HNF1A: variants seen among roughly 807,000 people sequenced by gnomAD.
The protein encoded by HNF1A is hepatocyte nuclear factor 1-alpha.
A neutral mutation model predicts 62.2 loss-of-function variants in HNF1A; 21 were observed. The observed-to-expected ratio is 0.34, with a 90% CI of 0.24 to 0.49. The LOEUF (loss-of-function observed/expected upper bound fraction) is 0.49, where lower values mean the gene tolerates loss of function less well. Ranked by LOEUF, HNF1A falls within the 20% of genes least tolerant of loss-of-function variation. The pLI is 0.99. For synonymous variants in HNF1A, 374 were observed against 366.8 expected (o/e 1.02, Z -0.22); for missense variants, 687 against 832.3 (o/e 0.83, Z 2.15).
In HNF1A at chr12:120,994,145, T is replaced by C. The variant is rs771962740; in HGVS notation, c.714-19T>C. On this transcript the variant is annotated intron_variant, in intron 3 of 9. Transcript: ENST00000257555. ...CCTCTGAGCCTGGCCTGGAGGCTCA[T>C]GGGTGGCTATTTCTGCAGGGCGGAA... 6.2e-7 allele frequency: 1 copy of C among 1,611,072 alleles called. No homozygotes were observed. The highest frequency in any genetic ancestry group is 8.5e-7 in the Non-Finnish European group (1 of 1,178,940).
At chr12:120,985,628 C>T (rs1382536669) in intron 1 of HNF1A, among the ~76,000 whole-genome samples, 2 of 151,986 alleles carry the variant, frequency 1.3e-5, no homozygotes, top group Non-Finnish European at 2.9e-5. Context: ...GCTATGATCA[C>T]GCCACTGTGC....
rs1401743626 is a variant in HNF1A at position 120,996,707 on chromosome 12, C to T, written c.1274C>T (p.Thr425Met). ...GPGEPASLGP[T>M]FTNTGASTLV... ...GGTGAGCCTGCCTCCCTGGGTCCTA[C>T]GTTCACCAACACAGGTGCCTCCACC... Residue 425 changes from threonine to methionine, a missense_variant, in exon 6 of 10, where the codon ACG (threonine) becomes ATG (methionine). By Grantham distance (81) the Thr-to-Met change is moderately conservative. This residue lies in a region of HNF1A where 408 missense variants were observed against 455.3 expected (regional missense o/e 0.90). Coordinates refer to ENST00000257555, the MANE Select transcript of HNF1A (RefSeq NM_000545.8). The surrounding 1 kb of genome is among the most constrained non-coding windows in gnomAD (Gnocchi z 4.5). 10 of 1,613,964 alleles carry T rather than the reference C, an allele frequency of 6.2e-6. No homozygotes were observed. The highest frequency in any genetic ancestry group is 8.5e-6 in the Non-Finnish European group (10 of 1,180,008).
intron 4 of HNF1A, among the ~76,000 whole-genome samples, chr12:120,995,858 C>T (rs910987381): frequency 6.6e-6 from 1 of 152,198 alleles, no homozygotes; most frequent in African/African-American, 2.4e-5. Context: ...CCACACCATC[C>T]ACTCCACTTC....
intron 9 of HNF1A, chr12:121,000,714 G>A (rs966141622): frequency 4.8e-5 from 17 of 356,464 alleles, no homozygotes; most frequent in African/African-American, 3.4e-4. Context: ...CCAACTGATT[G>A]TGGCATTAAC....
At position 120,992,474 on chromosome 12, in the gene HNF1A, C is replaced by T. The variant is rs116321817; in HGVS notation, c.527-1046C>T. Among the ~76,000 whole-genome samples the T allele has an allele frequency of 1.3e-3, 195 of 152,292 alleles. 1 individual carries two copies. Among genetic ancestry groups the T allele is most frequent in the African/African-American group, 4.3e-3 (180 of 41,554 alleles). On this transcript the variant is annotated intron_variant, in intron 2 of 9. Transcript: ENST00000257555. The stretch of plus-strand genomic sequence containing the variant: ...AACTTCCGGGCTCAAGTGATCCCTG[C>T]CTCAGCCTCTTAAGTAGCTGGAATG...
At chr12:120,988,254 A>C (rs1876619359) in intron 1 of HNF1A, among the ~76,000 whole-genome samples, 1 of 116,758 alleles carries the variant, frequency 8.6e-6, no homozygotes. Flanking sequence ...TCCATCCATC[A>C]TCCATCCACC....
Position 120,994,167 on chromosome 12 carries a change from G to A in HNF1A, c.717G>A (p.Ala239=), listed in dbSNP as rs147630771. ...RETLVEECNR[A]ECIQRGVSPS... ...TCATGGGTGGCTATTTCTGCAGGGCGGAATGCATCCAGAGAGGGGTGTCCC... is the reference window on the plus strand; with the variant it reads ...TCATGGGTGGCTATTTCTGCAGGGCAGAATGCATCCAGAGAGGGGTGTCCC... The change falls in exon 4 of 10, where the codon GCG becomes GCA. Residue 239 remains alanine (A), a synonymous_variant. Transcript: ENST00000257555. The A allele has an allele frequency of 8.1e-6, 13 of 1,612,882 alleles. No homozygotes were observed. Among genetic ancestry groups the A allele is most frequent in the Admixed American group, 3.3e-5 (2 of 59,766 alleles).
intron 1 of HNF1A, among the ~76,000 whole-genome samples, chr12:120,983,636 CCCG>C (rs1249964410): frequency 6.6e-6 from 1 of 151,548 alleles, no homozygotes; most frequent in Non-Finnish European, 1.5e-5. Flanking sequence ...ACCTCCGCCT[CCCG>C]GGTTCAAGTG....
chr12:121,002,408 G>C lies in HNF1A; in HGVS notation c.*1216G>C, dbSNP rs534185491. ...GTACCGCGTCTACCCTGGGATTCAG[G>C]AAAAGGCCTGGGGTGACCCGGCACC... On this transcript the variant is annotated 3_prime_UTR_variant, in exon 10 of 10. Coordinates refer to ENST00000257555, the MANE Select transcript of HNF1A (RefSeq NM_000545.8). The C allele has an allele frequency of 1.1e-5, 6 of 529,348 alleles. 1 individual carries two copies. Among genetic ancestry groups the C allele is most frequent in the Non-Finnish European group, 2.2e-5 (6 of 273,940 alleles). The allele number at this position is 529,348 out of a possible 1,614,324, so 32.8% of individuals were successfully genotyped here.
chr12:120,999,578 C>T lies in HNF1A; in HGVS notation c.1719C>T (p.Ala573=), dbSNP rs142797154. ...TTLHVPSQDP[A]SIQHLQPAHR... ...TCCACGTCCCCAGCCAGGACCCTGC[C>T]AGCATCCAGCACCTGCAGCCGGCCC... Residue 573 remains alanine, a synonymous_variant, in exon 9 of 10, where the codon GCC becomes GCT. Transcript: ENST00000257555. The T allele has an allele frequency of 7.9e-5, 128 of 1,612,436 alleles. 1 individual carries two copies. In the African/African-American group the frequency reaches 1.4e-3, roughly 17 times the overall value.
rs549306957 is a variant in HNF1A at position 121,001,405 on chromosome 12, C to T, written c.*213C>T. The T allele has an allele frequency of 8.3e-6, 5 of 599,446 alleles. No homozygotes were observed. The highest frequency in any genetic ancestry group is 5.8e-5 in the South Asian group (3 of 51,446). 37.1% of individuals were successfully genotyped at this position (599,446 alleles called of 1,614,324 possible). A position where few individuals can be genotyped will look rare whatever the true frequency, so the allele number is the denominator to read the frequency against. ...CTGCTCGGGGTGCACAGGAGGGGGT[C>T]GTGGAGAGCTAGGAGCAAAGCCTGT... On this transcript the variant is annotated 3_prime_UTR_variant, in exon 10 of 10. Transcript: ENST00000257555.
Position 120,978,879 on chromosome 12 carries a change from C to G in HNF1A, c.111C>G (p.Leu37=). 6.2e-7 allele frequency: 1 copy of G among 1,613,480 alleles called. No homozygotes were observed. Among genetic ancestry groups the G allele is most frequent in the Non-Finnish European group, 8.5e-7 (1 of 1,179,832 alleles). The change falls in exon 1 of 10, where the codon CTC becomes CTG. Residue 37 remains leucine, a synonymous_variant. Transcript: ENST00000257555. ...CACTGGGTGAGCCGGGGCCCTACCT[C>G]CTGGCTGGAGAAGGCCCCCTGGACA... The part of the protein sequence containing the change: ...IQALGEPGPY[L]LAGEGPLDKG...
rs1429185973 is a variant in HNF1A, at chr12:120,999,497, C to T, written c.1638C>T (p.Asp546=). Residue 546 remains aspartate (D), a synonymous_variant, in exon 9 of 10, where the codon GAC becomes GAT. Coordinates refer to ENST00000257555, the MANE Select transcript of HNF1A (RefSeq NM_000545.8). Reference sequence around the variant, plus strand: ...TGCTCCCCCAGGTCTTCACCTCAGACACTGAGGCCTCCAGTGAGTCCGGGC... The same window carrying T: ...TGCTCCCCCAGGTCTTCACCTCAGATACTGAGGCCTCCAGTGAGTCCGGGC... ...LTPTKQVFTS[D]TEASSESGLH... 7 of 1,613,720 alleles carry T rather than the reference C, an allele frequency of 4.3e-6. No individual in the cohort carries two copies. The highest frequency in any genetic ancestry group is 5.9e-6 in the Non-Finnish European group (7 of 1,179,988).
chr12:120,983,839 C>T (rs1876371981), intron 1 of HNF1A, among the ~76,000 whole-genome samples: 1 of 152,088 alleles, frequency 6.6e-6, no homozygotes, highest in Non-Finnish European at 1.5e-5. Context: ...AGCCACCACG[C>T]CCAGCCTTGG....
At position 120,997,662 on chromosome 12, in the gene HNF1A, C is replaced by A. The variant is rs921423540; in HGVS notation, c.1498C>A (p.His500Asn). ...MATMAQLQSPHALYSHKPEVA... is the reference protein window; with the variant it reads ...MATMAQLQSPNALYSHKPEVA... ...CACCATGGCTCAGCTGCAGAGCCCC[C>A]ACGGTGAGCGCCCTGTGCCCCACAC... Residue 500 changes from histidine (H) to asparagine (N), a missense_variant, in exon 7 of 10, where the codon CAC becomes AAC. His to Asn is a moderately conservative substitution (Grantham distance 68). Transcript: ENST00000257555. 8.7e-6 allele frequency: 14 copies of A among 1,609,862 alleles called. No homozygotes were observed. The highest frequency in any genetic ancestry group is 2.7e-5 in the African/African-American group (2 of 74,824).
rs1486041558 is a variant in HNF1A, at chr12:121,001,807, G to A, written c.*615G>A. 1.9e-6 allele frequency: 1 copy of A among 535,918 alleles called. No individual in the cohort carries two copies. The highest frequency in any genetic ancestry group is 3.6e-6 in the Non-Finnish European group (1 of 276,236). The allele number at this position is 535,918 out of a possible 1,614,324, so 33.2% of individuals were successfully genotyped here. A position where few individuals can be genotyped will look rare whatever the true frequency, so the allele number is the denominator to read the frequency against. ...CTGGGGCTCTAACGCCTGAGCCCAG[G>A]GAGGCCGAAGCTAACAGGGAAGGCA... On this transcript the variant is annotated 3_prime_UTR_variant, in exon 10 of 10. Coordinates refer to ENST00000257555, the MANE Select transcript of HNF1A (RefSeq NM_000545.8).
chr12:120,995,901 T>C (rs1244930195), intron 4 of HNF1A, among the ~76,000 whole-genome samples: 1 of 152,204 alleles, frequency 6.6e-6, no homozygotes, highest in Non-Finnish European at 1.5e-5. Flanking sequence ...CTAAGTTGAT[T>C]TGGGTTAATT....
chr12:120,999,882 T>C (rs1179448386), intron 9 of HNF1A, among the ~76,000 whole-genome samples: 1 of 152,110 alleles, frequency 6.6e-6, no homozygotes, highest in African/African-American at 2.4e-5. Flanking sequence ...GATGAAGTAA[T>C]TGTTAGAGGC....
In HNF1A at chr12:120,978,715, G is replaced by C. The variant is rs781754738; in HGVS notation, c.-54G>C. On this transcript the variant is annotated 5_prime_UTR_variant, in exon 1 of 10. Transcript: ENST00000257555. ...CAGGCAAACGCAACCCACGCGGTGG[G>C]GGAGGCGGCTAGCGTGGTGGACCCG... is the stretch of plus-strand genomic sequence containing the variant. 17 of 1,555,160 alleles carry C rather than the reference G, an allele frequency of 1.1e-5. No individual in the cohort carries two copies. The Admixed American group carries it at 1.3e-4, about 12-fold the overall frequency.
Sources: allele counts gnomAD v4.1 joint callset (sites outside exome capture counted in the v4.1 genomes callset), GRCh38; gene constraint gnomAD v4.1.1; regional missense constraint gnomAD v4.1.1; non-coding constraint Gnocchi (gnomAD v3.1); transcripts MANE v1.5; gene names NCBI Gene and HGNC (gene_info 2026-07-23, HGNC 2026-07-21).